NEK11: variants seen among roughly 807,000 people sequenced by gnomAD.
NEK11 encodes the protein serine/threonine-protein kinase Nek11.
In NEK11, 72 loss-of-function variants were observed where a neutral mutation model predicts 80.7. That is an observed-to-expected ratio of 0.89 (90% CI 0.74 to 1.08). The LOEUF (loss-of-function observed/expected upper bound fraction) is 1.08, where lower values mean the gene tolerates loss of function less well. NEK11 is among the 50% of genes least tolerant of loss of function. The pLI is 0.00. For missense variants in NEK11, 764 were observed against 763.6 expected, an observed-to-expected ratio of 1.00 and a Z score of -0.01; for synonymous variants, 251 against 260.7, an observed-to-expected ratio of 0.96 and a Z score of 0.36.
At chr3:131,149,735 A>G (rs897973013) in intron 7 of NEK11, among the ~76,000 whole-genome samples, 1 of 151,892 alleles carries the variant, frequency 6.6e-6, no homozygotes, top group Non-Finnish European at 1.5e-5. Context: ...TCTATTTGTT[A>G]TCGTTAATCT....
chr3:131,062,273 A>G (rs969319268), intron 3 of NEK11, among the ~76,000 whole-genome samples: 1 of 152,122 alleles, frequency 6.6e-6, no homozygotes, highest in East Asian at 1.9e-4. Flanking sequence ...GGCAGCTCCT[A>G]TTTTCCCTGG....
At chr3:131,265,848 CT>C (rs2096044149) in intron 16 of NEK11, among the ~76,000 whole-genome samples, 1 of 152,046 alleles carries the variant, frequency 6.6e-6, no homozygotes, top group Non-Finnish European at 1.5e-5. Flanking sequence ...TGGTCCTGGA[CT>C]TTTTTTGGTT....
chr3:131,165,944 C>T (rs537898187), intron 12 of NEK11, among the ~76,000 whole-genome samples: 1 of 152,060 alleles, frequency 6.6e-6, no homozygotes, highest in African/African-American at 2.4e-5. Context: ...TTTTGTTGTA[C>T]ATTGTGTTAA....
At chr3:131,225,486 T>C (rs2095165823) in intron 14 of NEK11, among the ~76,000 whole-genome samples, 1 of 152,228 alleles carries the variant, frequency 6.6e-6, no homozygotes, top group African/African-American at 2.4e-5. Flanking sequence ...TACTGAGTGT[T>C]TGCCTTATTT....
chr3:131,272,022 C>T (rs1436265490), intron 16 of NEK11, among the ~76,000 whole-genome samples: 3 of 152,030 alleles, frequency 2.0e-5, no homozygotes, highest in African/African-American at 7.3e-5. Flanking sequence ...ATCACTTGAA[C>T]CCGGGAGGCA....
intron 16 of NEK11, among the ~76,000 whole-genome samples, chr3:131,244,315 A>T (rs1398470429): frequency 2.0e-5 from 3 of 152,074 alleles, no homozygotes; most frequent in Non-Finnish European, 2.9e-5. Context: ...TCATAACATA[A>T]GTCTTTGATT....
intron 16 of NEK11, among the ~76,000 whole-genome samples, chr3:131,257,470 A>G (rs1391536213): frequency 6.6e-6 from 1 of 152,198 alleles, no homozygotes; most frequent in Non-Finnish European, 1.5e-5. Context: ...ACAAATATTT[A>G]CTATATTAAT....
intron 17 of NEK11, among the ~76,000 whole-genome samples, chr3:131,274,941 C>T (rs2096269137): frequency 2.0e-5 from 3 of 151,710 alleles, no homozygotes; most frequent in Admixed American, 2.0e-4. Context: ...GCGTGAGCCA[C>T]CGCGCCCGGC....
intron 14 of NEK11, among the ~76,000 whole-genome samples, chr3:131,215,812 G>T (rs971750887): frequency 6.6e-6 from 1 of 152,148 alleles, no homozygotes; most frequent in Non-Finnish European, 1.5e-5. Flanking sequence ...GAGGAACTGA[G>T]GATCAGAGAG....
intron 4 of NEK11, among the ~76,000 whole-genome samples, chr3:131,106,453 A>G (rs1457886498): frequency 6.6e-6 from 1 of 152,102 alleles, no homozygotes. Context: ...CCATCACCTT[A>G]AGTTATTTTT....
chr3:131,288,869 T>C (rs1308484919), intron 17 of NEK11, among the ~76,000 whole-genome samples: 1 of 152,262 alleles, frequency 6.6e-6, no homozygotes, highest in Non-Finnish European at 1.5e-5. Context: ...ATAATATATG[T>C]TCTTTTAGGC....
At chr3:131,318,081 A>G (rs762648936) in intron 17 of NEK11, among the ~76,000 whole-genome samples, 1 of 152,064 alleles carries the variant, frequency 6.6e-6, no homozygotes, top group Admixed American at 6.5e-5. Context: ...TAGATAAAAT[A>G]CTAAGGTAGA....
At chr3:131,155,452 G>C (rs2090491640) in intron 10 of NEK11, among the ~76,000 whole-genome samples, 2 of 152,080 alleles carry the variant, frequency 1.3e-5, no homozygotes, top group African/African-American at 4.8e-5. Flanking sequence ...ACCATAAATG[G>C]CTTTCACATG....
rs116019918 is a variant in NEK11 at position 131,047,549 on chromosome 3, T to C, written c.170+17671T>C. On this transcript the variant is annotated intron_variant, in intron 3 of 17. Transcript: ENST00000383366. ...CCTGCAGTGGTTGTTATTTCTCTTC[T>C]GGATCTAACCACCCAGCAGAGCTAC... Among the ~76,000 whole-genome samples, 710 of 152,270 alleles carry C rather than the reference T, an allele frequency of 4.7e-3. 4 individuals are homozygous for C. Among genetic ancestry groups the C allele is most frequent in the African/African-American group, 0.016 (645 of 41,544 alleles).
At chr3:131,246,261 C>A (rs994478225) in intron 16 of NEK11, among the ~76,000 whole-genome samples, 4 of 152,114 alleles carry the variant, frequency 2.6e-5, no homozygotes, top group Non-Finnish European at 5.9e-5. Context: ...CTCCCTCACC[C>A]TTTCCCCACA....
chr3:131,130,184 CA>C (rs1387221847), intron 5 of NEK11, among the ~76,000 whole-genome samples: 1 of 152,008 alleles, frequency 6.6e-6, no homozygotes, highest in African/African-American at 2.4e-5. Flanking sequence ...TGTTTCATTT[CA>C]GGGGTACTAA....
chr3:131,068,652 T>G (rs1388478434), intron 3 of NEK11, among the ~76,000 whole-genome samples: 1 of 152,162 alleles, frequency 6.6e-6, no homozygotes, highest in Non-Finnish European at 1.5e-5. Flanking sequence ...ACAGCATCTC[T>G]GTGACTGTAG....
At chr3:131,063,150 A>G (rs1163690752) in intron 3 of NEK11, among the ~76,000 whole-genome samples, 2 of 152,124 alleles carry the variant, frequency 1.3e-5, no homozygotes, top group African/African-American at 4.8e-5. Flanking sequence ...TCAGCCTCCC[A>G]AGTAGCTGGG....
intron 14 of NEK11, among the ~76,000 whole-genome samples, chr3:131,176,991 A>T (rs1560806502): frequency 6.6e-6 from 1 of 152,208 alleles, no homozygotes; most frequent in Non-Finnish European, 1.5e-5. Context: ...AATAAGTATC[A>T]ATCATAGCTT....
Sources: gnomAD v4.1 joint callset for allele counts (sites outside exome capture counted in the v4.1 genomes callset) on GRCh38, gnomAD v4.1.1 for gene constraint, MANE v1.5 for transcripts, NCBI Gene and HGNC (gene_info 2026-07-23, HGNC 2026-07-21) for gene names.